Variants in HS3ST4 observed in about 807,000 individuals in gnomAD.
The protein encoded by HS3ST4 is heparan sulfate-glucosamine 3-sulfotransferase 4.
In HS3ST4, 17 loss-of-function variants were observed where a neutral mutation model predicts 29.2. The ratio of observed to expected loss-of-function variants is 0.58; its 90% CI spans 0.40 to 0.87. HS3ST4 has a LOEUF of 0.87. Among genes scored for constraint, HS3ST4 ranks in the 40% least tolerant of loss-of-function variants. The pLI, the probability that HS3ST4 is intolerant of heterozygous loss-of-function variation, is 0.00. For missense variants in HS3ST4, 627 were observed against 634.5 expected (o/e 0.99, Z 0.13); for synonymous variants, 314 against 285.7 (o/e 1.10, Z -1.00).
intron 1 of HS3ST4, among the ~76,000 whole-genome samples, chr16:25,724,839 T>C (rs1161494634): frequency 6.6e-6 from 1 of 152,132 alleles, no homozygotes; most frequent in Admixed American, 6.5e-5. Context: ...GTGGACATTT[T>C]AAAATTTAAT....
intron 1 of HS3ST4, among the ~76,000 whole-genome samples, chr16:25,905,304 T>C (rs1372965266): frequency 6.6e-6 from 1 of 151,592 alleles, no homozygotes; most frequent in African/African-American, 2.4e-5. Flanking sequence ...GAGGAAAAAA[T>C]AAAGACAGGT....
At chr16:26,087,227 G>T (rs946451595) in intron 1 of HS3ST4, among the ~76,000 whole-genome samples, 8 of 152,174 alleles carry the variant, frequency 5.3e-5, no homozygotes, top group Non-Finnish European at 8.8e-5. Context: ...CACATCACTG[G>T]CCATGCAGAG....
chr16:25,998,420 C>T (rs8050565), intron 1 of HS3ST4, among the ~76,000 whole-genome samples: 11,719 of 152,180 alleles, frequency 0.077, 667 homozygotes, highest in African/African-American at 0.16. Context: ...TTTTGCTAAC[C>T]ACATCACACT....
At chr16:25,919,548 G>A (rs573665933) in intron 1 of HS3ST4, among the ~76,000 whole-genome samples, 10 of 152,246 alleles carry the variant, frequency 6.6e-5, no homozygotes, top group South Asian at 2.1e-4. Context: ...TATTGTAAGC[G>A]GGGGGACTTG....
chr16:25,804,583 T>G (rs1335758463), intron 1 of HS3ST4, among the ~76,000 whole-genome samples: 1 of 152,146 alleles, frequency 6.6e-6, no homozygotes, highest in Non-Finnish European at 1.5e-5. Flanking sequence ...TGCTTGAAAA[T>G]ATGATCCTCC....
chr16:25,920,004 A>G (rs1255894272), intron 1 of HS3ST4, among the ~76,000 whole-genome samples: 3 of 152,170 alleles, frequency 2.0e-5, no homozygotes, highest in Non-Finnish European at 4.4e-5. Flanking sequence ...TCCAGGATGC[A>G]GAGGGTGTGG....
intron 1 of HS3ST4, among the ~76,000 whole-genome samples, chr16:25,798,320 G>A (rs907954257): frequency 9.2e-5 from 14 of 152,264 alleles, no homozygotes; most frequent in Middle Eastern, 3.4e-3. Context: ...CAAATCTCTG[G>A]CTTACAACCA....
At chr16:26,090,893 C>T (rs1898849412) in intron 1 of HS3ST4, among the ~76,000 whole-genome samples, 1 of 152,128 alleles carries the variant, frequency 6.6e-6, no homozygotes, top group Non-Finnish European at 1.5e-5. Flanking sequence ...GAATGAGGTG[C>T]ATGCCTGACT....
intron 1 of HS3ST4, among the ~76,000 whole-genome samples, chr16:25,995,236 G>A (rs1016951896): frequency 6.6e-6 from 1 of 152,150 alleles, no homozygotes; most frequent in African/African-American, 2.4e-5. Context: ...GCAGAGGGTA[G>A]CAGCCCAACA....
intron 1 of HS3ST4, among the ~76,000 whole-genome samples, chr16:25,939,484 C>T (rs988852763): frequency 3.3e-5 from 5 of 151,894 alleles, no homozygotes; most frequent in African/African-American, 1.2e-4. Context: ...ATTACAGGCG[C>T]CCACTACCAT....
In HS3ST4 at chr16:26,107,204, T is replaced by A. The variant is rs200638660; in HGVS notation, c.735-28408T>A. On this transcript the variant is annotated intron_variant, in intron 1 of 1. Transcript: ENST00000331351. The stretch of plus-strand genomic sequence containing the variant: ...AGCCTAAGGGTGCCATACGTATATA[T>A]GGAATTAAAGAATTTGTTGCCCATA... Among the ~76,000 whole-genome samples, 14 of 152,202 alleles carry A rather than the reference T, an allele frequency of 9.2e-5. No homozygotes were observed. In the East Asian group the frequency reaches 2.3e-3, roughly 25 times the overall value.
intron 1 of HS3ST4, among the ~76,000 whole-genome samples, chr16:25,782,681 A>G (rs1966853761): frequency 6.6e-6 from 1 of 152,172 alleles, no homozygotes; most frequent in Admixed American, 6.5e-5. Context: ...TGGATAGCCC[A>G]TTTCTCTTTA....
intron 1 of HS3ST4, among the ~76,000 whole-genome samples, chr16:25,704,389 GAGAGAT>G (rs1966359474): frequency 6.6e-6 from 1 of 152,082 alleles, no homozygotes; most frequent in Non-Finnish European, 1.5e-5. Flanking sequence ...CTTACAGATA[GAGAGAT>G]TGAGACTTTG....
At chr16:25,853,382 G>A (rs1967541407) in intron 1 of HS3ST4, among the ~76,000 whole-genome samples, 1 of 151,640 alleles carries the variant, frequency 6.6e-6, no homozygotes, top group South Asian at 2.1e-4. Context: ...ATTTGGATGC[G>A]TTTAATTTCT....
At chr16:25,910,060 G>T (rs1309384412) in intron 1 of HS3ST4, among the ~76,000 whole-genome samples, 1 of 152,132 alleles carries the variant, frequency 6.6e-6, no homozygotes, top group East Asian at 1.9e-4. Context: ...CCAGCTGAAG[G>T]CATCAATCAG....
intron 1 of HS3ST4, among the ~76,000 whole-genome samples, chr16:25,939,967 A>G (rs1429697650): frequency 6.6e-6 from 1 of 152,172 alleles, no homozygotes; most frequent in Non-Finnish European, 1.5e-5. Flanking sequence ...AGTTACAACC[A>G]TAAATACGTG....
At chr16:25,886,027 G>GTTTGT (rs1967946573) in intron 1 of HS3ST4, among the ~76,000 whole-genome samples, 1 of 82,760 alleles carries the variant, frequency 1.2e-5, no homozygotes, top group South Asian at 5.7e-4. Flanking sequence ...TCTTACTGTG[G>GTTTGT]TTTTTTTTTT....
chr16:25,902,938 A>C (rs544709791), intron 1 of HS3ST4, among the ~76,000 whole-genome samples: 74 of 151,960 alleles, frequency 4.9e-4, no homozygotes, highest in African/African-American at 1.8e-3. Flanking sequence ...TCCATACAAA[A>C]AAATACAAAA....
intron 1 of HS3ST4, among the ~76,000 whole-genome samples, chr16:26,109,257 A>T (rs773096727): frequency 1.8e-4 from 28 of 152,122 alleles, no homozygotes; most frequent in Non-Finnish European, 3.5e-4. Flanking sequence ...TAAAAGCTGG[A>T]TGCAATTTCT....
Sources: gnomAD v4.1 joint callset for allele counts (sites outside exome capture counted in the v4.1 genomes callset) on GRCh38, gnomAD v4.1.1 for gene constraint, MANE v1.5 for transcripts, NCBI Gene and HGNC (gene_info 2026-07-23, HGNC 2026-07-21) for gene names.